The following MSRB3 variants were observed in gnomAD, a reference collection of about 807,000 sequenced individuals.
MSRB3 encodes methionine-R-sulfoxide reductase B3.
In MSRB3, 13 loss-of-function variants were observed where a neutral mutation model predicts 21.0. The observed-to-expected ratio is 0.62, with a 90% confidence interval of 0.40 to 0.98. The LOEUF is 0.98. Ranked by LOEUF, MSRB3 falls within the 50% of genes least tolerant of loss-of-function variation. The pLI is 0.00. For synonymous variants in MSRB3, 87 were observed against 88.6 expected, an observed-to-expected ratio of 0.98 and a Z score of 0.10; for missense variants, 199 against 230.3, an observed-to-expected ratio of 0.86 and a Z score of 0.88.
At chr12:65,420,175 G>A (rs1881213144) in intron 5 of MSRB3, 1 of 275,272 alleles carries the variant, frequency 3.6e-6, no homozygotes, top group East Asian at 1.1e-4. Flanking sequence ...TTTCCTCATT[G>A]TGTGTTCTTG....
chr12:65,289,009 C>G (rs1565815884), intron 1 of MSRB3, among the ~76,000 whole-genome samples: 1 of 152,118 alleles, frequency 6.6e-6, no homozygotes, highest in Non-Finnish European at 1.5e-5. Flanking sequence ...GTACCCTCAT[C>G]CAGCTTCAGA....
chr12:65,451,638 T>A (rs965412047), intron 5 of MSRB3, among the ~76,000 whole-genome samples: 1 of 152,008 alleles, frequency 6.6e-6, no homozygotes, highest in African/African-American at 2.4e-5. Flanking sequence ...ATGTTTCTCC[T>A]CTCCTAAATA....
intron 4 of MSRB3, among the ~76,000 whole-genome samples, chr12:65,344,772 G>GCC (rs1256326950): frequency 6.6e-6 from 1 of 152,016 alleles, no homozygotes; most frequent in African/African-American, 2.4e-5. Context: ...ACTTTGAAAA[G>GCC]ACAATGGAAG....
chr12:65,346,832 T>C (rs1876546336), intron 4 of MSRB3, among the ~76,000 whole-genome samples: 1 of 152,200 alleles, frequency 6.6e-6, no homozygotes, highest in South Asian at 2.1e-4. Context: ...GCACCATTTA[T>C]TAAATAGGGA....
chr12:65,353,785 T>G (rs1431456666), intron 4 of MSRB3, among the ~76,000 whole-genome samples: 1 of 152,198 alleles, frequency 6.6e-6, no homozygotes, highest in Non-Finnish European at 1.5e-5. Context: ...TAGCTGGTGA[T>G]TTTGCTCGTT....
At chr12:65,435,877 G>A (rs1351384740) in intron 5 of MSRB3, among the ~76,000 whole-genome samples, 1 of 151,804 alleles carries the variant, frequency 6.6e-6, no homozygotes, top group African/African-American at 2.4e-5. Flanking sequence ...TTTCTAGGGA[G>A]AGTCCAGATA....
At chr12:65,450,208 T>G (rs1216077548) in intron 5 of MSRB3, among the ~76,000 whole-genome samples, 2 of 152,182 alleles carry the variant, frequency 1.3e-5, no homozygotes, top group African/African-American at 4.8e-5. Flanking sequence ...ATATTTGAGA[T>G]GAAAATGAGC....
chr12:65,314,655 C>A (rs944550784), intron 2 of MSRB3, among the ~76,000 whole-genome samples: 3 of 151,982 alleles, frequency 2.0e-5, no homozygotes, highest in Non-Finnish European at 4.4e-5. Flanking sequence ...AGTGTGGATT[C>A]TCTTGATTTT....
chr12:65,306,905 A>G, intron 1 of MSRB3: 1 of 985,804 alleles, frequency 1.0e-6, no homozygotes, highest in Non-Finnish European at 1.2e-6. Flanking sequence ...GCTTTGACAT[A>G]AGCCAGATGG....
At chr12:65,432,181 A>G (rs943761301) in intron 5 of MSRB3, among the ~76,000 whole-genome samples, 3 of 137,970 alleles carry the variant, frequency 2.2e-5, no homozygotes, top group African/African-American at 7.7e-5. Flanking sequence ...GTTGATTAGT[A>G]TATTATTTTG....
At chr12:65,446,290 A>G (rs981350710) in intron 5 of MSRB3, among the ~76,000 whole-genome samples, 2 of 152,254 alleles carry the variant, frequency 1.3e-5, no homozygotes, top group Admixed American at 6.5e-5. Flanking sequence ...TCTAACTCAG[A>G]TGCCATTGCA....
rs1162862918 is a variant in MSRB3 at position 65,422,426 on chromosome 12, ATATATT to A, written c.293-31298_293-31293del. Among the ~76,000 whole-genome samples the A allele has an allele frequency of 7.4e-3, 572 of 77,040 alleles. 1 individual carries two copies. The highest frequency in any genetic ancestry group is 0.018 in the East Asian group (41 of 2,282). 50.5% of individuals were successfully genotyped at this position (77,040 alleles called of 152,430 possible). A position where few individuals can be genotyped will look rare whatever the true frequency, so the allele number is the denominator to read the frequency against. The stretch of plus-strand genomic sequence containing the variant: ...TATATATATATATATATATATATAT[ATATATT>A]TATTTATTTATTTATGGGGTATATG... On this transcript the variant is annotated intron_variant, in intron 5 of 6. Coordinates refer to ENST00000308259, the MANE Select transcript of MSRB3 (RefSeq NM_001031679.3).
intron 5 of MSRB3, among the ~76,000 whole-genome samples, chr12:65,418,306 A>G (rs201775722): frequency 6.6e-6 from 1 of 152,100 alleles, no homozygotes; most frequent in East Asian, 1.9e-4. Context: ...GGTTTTGGGA[A>G]GTTATCTATC....
rs1881104285 is a variant in MSRB3, at chr12:65,418,596, G to T, written c.293-35132G>T. ...ATGTCATGGAGCTTTTCCCTGTTTT[G>T]TTCTCGTAGTTTTACAGTTTCAGAT... is the stretch of plus-strand genomic sequence containing the variant. On this transcript the variant is annotated intron_variant, in intron 5 of 6. Transcript: ENST00000308259. 4 of 566,322 alleles carry T rather than the reference G, an allele frequency of 7.1e-6. No individual in the cohort carries two copies. The East Asian group carries it at 1.1e-4, about 16-fold the overall frequency. The allele number at this position is 566,322 out of a possible 1,614,324, so 35.1% of individuals were successfully genotyped here.
At chr12:65,406,544 T>C (rs1228994603) in intron 5 of MSRB3, among the ~76,000 whole-genome samples, 1 of 152,212 alleles carries the variant, frequency 6.6e-6, no homozygotes, top group Non-Finnish European at 1.5e-5. Context: ...ATGCAATGTC[T>C]TTCAAAATCC....
intron 4 of MSRB3, among the ~76,000 whole-genome samples, chr12:65,350,775 ATATG>A (rs1876919529): frequency 7.2e-6 from 1 of 138,154 alleles, no homozygotes; most frequent in Non-Finnish European, 1.5e-5. Context: ...TCCTAAATAT[ATATG>A]CACCCAATAC....
intron 5 of MSRB3, among the ~76,000 whole-genome samples, chr12:65,408,809 G>A (rs1256924549): frequency 6.6e-6 from 1 of 152,160 alleles, no homozygotes; most frequent in Non-Finnish European, 1.5e-5. Context: ...CTTTCTCTGA[G>A]ATTGATTAGG....
At chr12:65,329,854 T>C (rs1362301961) in intron 4 of MSRB3, among the ~76,000 whole-genome samples, 1 of 152,222 alleles carries the variant, frequency 6.6e-6, no homozygotes, top group Non-Finnish European at 1.5e-5. Context: ...AAATGTTTCT[T>C]ACATTGCACA....
intron 5 of MSRB3, among the ~76,000 whole-genome samples, chr12:65,408,536 T>A (rs1592608968): frequency 6.6e-6 from 1 of 152,180 alleles, no homozygotes; most frequent in African/African-American, 2.4e-5. Flanking sequence ...TAAATATGGT[T>A]TGAGATGTGT....
Sources: allele counts gnomAD v4.1 joint callset (sites outside exome capture counted in the v4.1 genomes callset), GRCh38; gene constraint gnomAD v4.1.1; transcripts MANE v1.5; gene names NCBI Gene and HGNC (gene_info 2026-07-23, HGNC 2026-07-21).